Variants in GREB1L observed in about 807,000 individuals in gnomAD.
GREB1L encodes the protein GREB1-like protein.
In GREB1L, 17 loss-of-function variants were observed where a neutral mutation model predicts 200.8. The observed-to-expected ratio is 0.08, with a 90% CI of 0.06 to 0.13. GREB1L has a LOEUF of 0.13. GREB1L is among the 10% of genes least tolerant of loss of function. The probability of loss-of-function intolerance (pLI) is 1.00; values close to 1 mark genes in which losing one functional copy is unlikely to be tolerated. For missense variants in GREB1L, 1,657 were observed against 2,367.7 expected, an observed-to-expected ratio of 0.70 and a Z score of 6.23; for synonymous variants, 789 against 893.0, an observed-to-expected ratio of 0.88 and a Z score of 2.08.
chr18:21,270,304 G>T (rs2038057491), intron 1 of GREB1L, among the ~76,000 whole-genome samples: 1 of 152,192 alleles, frequency 6.6e-6, no homozygotes, highest in African/African-American at 2.4e-5. Context: ...TTTAGGGAAG[G>T]GAGTTGCATG....
chr18:21,443,519 G>T (rs2034031234), intron 10 of GREB1L, among the ~76,000 whole-genome samples: 2 of 152,206 alleles, frequency 1.3e-5, no homozygotes, highest in Admixed American at 1.3e-4. Flanking sequence ...ATTGTCATTT[G>T]TTTGTTTTCT....
At chr18:21,332,245 G>T (rs1352500239) in intron 1 of GREB1L, among the ~76,000 whole-genome samples, 2 of 152,102 alleles carry the variant, frequency 1.3e-5, no homozygotes, top group African/African-American at 4.8e-5. Flanking sequence ...CATGGTGTAG[G>T]GTTATTTGCC....
At chr18:21,470,349 T>G (rs2035434716) in intron 15 of GREB1L, among the ~76,000 whole-genome samples, 1 of 152,284 alleles carries the variant, frequency 6.6e-6, no homozygotes, top group East Asian at 1.9e-4. Flanking sequence ...TAGATAAGTT[T>G]GAGGAAAATT....
chr18:21,357,559 G>A (rs919098878), intron 1 of GREB1L, among the ~76,000 whole-genome samples: 2 of 152,140 alleles, frequency 1.3e-5, no homozygotes, highest in Non-Finnish European at 2.9e-5. Flanking sequence ...TCATTGTCCA[G>A]ACCAATGTCA....
intron 1 of GREB1L, among the ~76,000 whole-genome samples, chr18:21,352,122 A>G (rs2039442653): frequency 6.6e-6 from 1 of 152,208 alleles, no homozygotes; most frequent in Non-Finnish European, 1.5e-5. Context: ...CTGGGATTAC[A>G]GGCGTGAGCC....
Position 21,480,300 on chromosome 18 carries a change from G to A in GREB1L, c.2556+2944G>A, listed in dbSNP as rs532351423. Reference sequence around the variant, plus strand: ...CAGGAAGTGGAGATTGCAGTGAGCCGAGATTATGCCACTGCACTCCAGCCT... The same window carrying A: ...CAGGAAGTGGAGATTGCAGTGAGCCAAGATTATGCCACTGCACTCCAGCCT... On this transcript the variant is annotated intron_variant, in intron 17 of 32. Coordinates refer to ENST00000424526, the MANE Select transcript of GREB1L (RefSeq NM_001142966.3). Among the ~76,000 whole-genome samples, 18 of 152,220 alleles carry A rather than the reference G, an allele frequency of 1.2e-4. No homozygotes were observed. In the East Asian group the frequency reaches 2.9e-3, roughly 24 times the overall value.
chr18:21,247,764 A>G (rs2037631480), intron 1 of GREB1L, among the ~76,000 whole-genome samples: 1 of 152,246 alleles, frequency 6.6e-6, no homozygotes, highest in Admixed American at 6.5e-5. Context: ...TATGTTGTCA[A>G]AATTACATAA....
chr18:21,278,389 A>AAAAAAAT lies in GREB1L; in HGVS notation c.-120+35999_-120+36000insAAATAAA, dbSNP rs750178610. Reference sequence around the variant, plus strand: ...GAGCAAGACTCCATCTCAAAAAAAAAAAATAAATAAATAAATAAATAAATA... The same window carrying AAAAAAAT: ...GAGCAAGACTCCATCTCAAAAAAAAAAAAAAATAAATAAATAAATAAATAAATAAATA... On this transcript the variant is annotated intron_variant, in intron 1 of 32. Coordinates refer to ENST00000424526, the MANE Select transcript of GREB1L (RefSeq NM_001142966.3). Among the ~76,000 whole-genome samples, 24 of 125,618 alleles carry AAAAAAAT rather than the reference A, an allele frequency of 1.9e-4. No individual in the cohort carries two copies. The South Asian group carries it at 4.6e-3, about 24-fold the overall frequency. 82.4% of individuals were successfully genotyped at this position (125,618 alleles called of 152,430 possible).
intron 17 of GREB1L, 88 bp from the exon 18 acceptor site, chr18:21,485,532 G>C (rs1568049400): frequency 1.7e-6 from 2 of 1,201,394 alleles, no homozygotes; most frequent in East Asian, 5.3e-5. Context: ...ACCTCTTACA[G>C]CGGTCATTTC....
intron 1 of GREB1L, chr18:21,363,766 G>A (rs2039616663): frequency 6.6e-6 from 1 of 152,214 alleles, no homozygotes; most frequent in Non-Finnish European, 1.5e-5. Flanking sequence ...AATAGAGGAA[G>A]AGAGCAAAGA....
chr18:21,343,730 A>AT (rs36120644), intron 1 of GREB1L, among the ~76,000 whole-genome samples: 17,702 of 114,934 alleles, frequency 0.15, 1,996 homozygotes, highest in Non-Finnish European at 0.21. Flanking sequence ...GAGAAGAGAG[A>AT]TTTTTTTTTT....
At chr18:21,489,986 T>G in intron 18 of GREB1L, 26 bp from the exon 19 acceptor site, 1 of 1,525,284 alleles carries the variant, frequency 6.6e-7, no homozygotes, top group South Asian at 1.2e-5. Flanking sequence ...GCTGCCTGAG[T>G]GCTAGTGCCT....
intron 17 of GREB1L, among the ~76,000 whole-genome samples, chr18:21,481,980 AT>A (rs1237853549): frequency 6.6e-6 from 1 of 152,196 alleles, no homozygotes; most frequent in African/African-American, 2.4e-5. Context: ...TTGCTGTGTC[AT>A]CAGGTACTCA....
intron 1 of GREB1L, among the ~76,000 whole-genome samples, chr18:21,348,351 C>T (rs1267212268): frequency 6.6e-6 from 1 of 151,976 alleles, no homozygotes; most frequent in Non-Finnish European, 1.5e-5. Context: ...CACCAGTACC[C>T]ATAGCAGCTG....
chr18:21,477,934 T>C (rs1293791060), intron 17 of GREB1L, among the ~76,000 whole-genome samples: 1 of 152,214 alleles, frequency 6.6e-6, no homozygotes, highest in Non-Finnish European at 1.5e-5. Context: ...GATACAAAAT[T>C]ATCTGTCGTA....
At chr18:21,300,739 CCTTTTTCATCAT>C (rs2038604639) in intron 1 of GREB1L, among the ~76,000 whole-genome samples, 1 of 152,184 alleles carries the variant, frequency 6.6e-6, no homozygotes. Context: ...TATTTTCTTT[CCTTTTTCATCAT>C]CTTTTCTTGA....
chr18:21,321,298 T>A (rs1028519707), intron 1 of GREB1L, among the ~76,000 whole-genome samples: 54 of 150,414 alleles, frequency 3.6e-4, no homozygotes, highest in Non-Finnish European at 5.9e-5. Flanking sequence ...AAAATAAAAT[T>A]AAATAAATAA....
At chr18:21,333,527 T>C (rs2039138340) in intron 1 of GREB1L, among the ~76,000 whole-genome samples, 1 of 151,902 alleles carries the variant, frequency 6.6e-6, no homozygotes, top group Admixed American at 6.6e-5. Flanking sequence ...ATACAAAAAT[T>C]AGCTGGGTGT....
chr18:21,445,218 T>C (rs1219431602), intron 11 of GREB1L, among the ~76,000 whole-genome samples: 2 of 152,360 alleles, frequency 1.3e-5, no homozygotes, highest in Non-Finnish European at 2.9e-5. Flanking sequence ...CTCACGCCCG[T>C]GATCCCAACA....
Sources: allele counts gnomAD v4.1 joint callset (sites outside exome capture counted in the v4.1 genomes callset), GRCh38; gene constraint gnomAD v4.1.1; transcripts MANE v1.5; gene names NCBI Gene and HGNC (gene_info 2026-07-23, HGNC 2026-07-21).